Variants in USP32 observed in about 807,000 individuals in gnomAD.
USP32 encodes the protein ubiquitin specific peptidase 32, also known as ubiquitin carboxyl-terminal hydrolase 32.
USP32 carries 59 observed loss-of-function variants against 204.8 expected under a neutral mutation model. The observed-to-expected ratio is 0.29, with a 90% CI of 0.23 to 0.36. The LOEUF (loss-of-function observed/expected upper bound fraction) is 0.36. Among genes scored for constraint, USP32 ranks in the 10% least tolerant of loss-of-function variants. The pLI is 1.00. For missense variants in USP32, 1,160 were observed against 1,946.4 expected (o/e 0.60, Z 7.60); for synonymous variants, 517 against 678.4 (o/e 0.76, Z 3.70).
chr17:60,413,029 A>G (rs2090030321), intron 1 of USP32, among the ~76,000 whole-genome samples: 1 of 152,118 alleles, frequency 6.6e-6, no homozygotes, highest in Admixed American at 6.5e-5. Context: ...TGAAGCCCAA[A>G]TTAAAACATT....
In USP32 at chr17:60,265,441, C is replaced by A; in HGVS notation, c.961G>T (p.Gly321Cys). The change falls in exon 9 of 34, where the codon GGC (glycine) becomes TGC (cysteine). Residue 321 changes from glycine (G) to cysteine (C), a missense_variant. Around this residue, in one of 8 missense-constraint regions of USP32, gnomAD observed 536 missense variants for 680.9 expected, o/e 0.79. Transcript: ENST00000300896. ...GTGGTGTCATGTGCATTCAGTATGC[C>A]TTCTACAATATCAGAGAGATCCATA... ...LHMDLSDIVEGILNAHDTTKM... is the reference protein window; with the variant it reads ...LHMDLSDIVECILNAHDTTKM... The A allele has an allele frequency of 6.2e-7, 1 of 1,606,716 alleles. No individual in the cohort carries two copies. The highest frequency in any genetic ancestry group is 8.5e-7 in the Non-Finnish European group (1 of 1,174,664).
At chr17:60,292,383 C>T (rs915701167) in intron 4 of USP32, among the ~76,000 whole-genome samples, 32 of 152,136 alleles carry the variant, frequency 2.1e-4, no homozygotes, top group African/African-American at 7.2e-4. Context: ...TCACATCTGA[C>T]AACTCCACTT....
intron 4 of USP32, among the ~76,000 whole-genome samples, chr17:60,293,581 G>A (rs772342602): frequency 1.1e-4 from 17 of 152,088 alleles, no homozygotes; most frequent in Non-Finnish European, 2.1e-4. Flanking sequence ...CATAACCACC[G>A]CCAAAAACTG....
At chr17:60,373,356 C>CAGTAGAT (rs930698363) in intron 1 of USP32, among the ~76,000 whole-genome samples, 1 of 151,900 alleles carries the variant, frequency 6.6e-6, no homozygotes, top group Admixed American at 6.6e-5. Context: ...TGGAGTACTG[C>CAGTAGAT]AGTAGATTTT....
intron 9 of USP32, among the ~76,000 whole-genome samples, chr17:60,258,830 T>C (rs1312444226): frequency 6.6e-6 from 1 of 152,148 alleles, no homozygotes; most frequent in Non-Finnish European, 1.5e-5. Context: ...TAATGCAAAG[T>C]TCCATCTCAT....
chr17:60,391,959 C>G lies in USP32; in HGVS notation c.-20G>C. 1 of 1,607,518 alleles carries G rather than the reference C, an allele frequency of 6.2e-7. No homozygotes were observed. The highest frequency in any genetic ancestry group is 8.5e-7 in the Non-Finnish European group (1 of 1,177,250). On this transcript the variant is annotated 5_prime_UTR_variant, in exon 1 of 34. Coordinates refer to ENST00000300896, the MANE Select transcript of USP32 (RefSeq NM_032582.4). ...ACCCATGCTCCCCTCATCCCCTCGGCGGGGGGTCGGAGCCTGATCTCGCCC... is the reference window on the plus strand; with the variant it reads ...ACCCATGCTCCCCTCATCCCCTCGGGGGGGGGTCGGAGCCTGATCTCGCCC...
intron 11 of USP32, among the ~76,000 whole-genome samples, chr17:60,248,562 T>A (rs564944047): frequency 6.6e-6 from 1 of 152,366 alleles, no homozygotes; most frequent in East Asian, 1.9e-4. Context: ...TCTCTCTTTC[T>A]GATGAAATAA....
chr17:60,244,029 GTT>G (rs34842511), intron 11 of USP32, among the ~76,000 whole-genome samples: 114 of 71,656 alleles, frequency 1.6e-3, no homozygotes, highest in African/African-American at 7.6e-3. Context: ...GCTGGATTGT[GTT>G]TTTTTTTTTT....
At chr17:60,337,165 G>A (rs771249137) in intron 2 of USP32, among the ~76,000 whole-genome samples, 8 of 152,116 alleles carry the variant, frequency 5.3e-5, no homozygotes, top group Middle Eastern at 3.2e-3. Flanking sequence ...TAGACTATCT[G>A]GTAAATATGC....
At position 60,284,973 on chromosome 17, in the gene USP32, G is replaced by A. The variant is rs150233863; in HGVS notation, c.571+3550C>T. ...CCTTGGCTATAAATCCCCACTTGTC[G>A]TTGTTATATTGAGAGCTGAGCTTAT... On this transcript the variant is annotated intron_variant, in intron 5 of 33. Coordinates refer to ENST00000300896, the MANE Select transcript of USP32 (RefSeq NM_032582.4). 2.9e-3 allele frequency among the ~76,000 whole-genome samples: 437 copies of A among 152,196 alleles called. 6 individuals are homozygous for A. The highest frequency in any genetic ancestry group is 9.9e-3 in the African/African-American group (413 of 41,520).
At chr17:60,368,752 C>G (rs1430329616) in intron 1 of USP32, among the ~76,000 whole-genome samples, 1 of 152,108 alleles carries the variant, frequency 6.6e-6, no homozygotes, top group Non-Finnish European at 1.5e-5. Flanking sequence ...ATACATGGTT[C>G]TATACACAAC....
rs199779287 is a variant in USP32 at position 60,306,435 on chromosome 17, C to T, written c.187-4731G>A. Among the ~76,000 whole-genome samples the T allele has an allele frequency of 2.6e-4, 40 of 152,186 alleles. No individual in the cohort carries two copies. The East Asian group carries it at 5.8e-3, about 22-fold the overall frequency. On this transcript the variant is annotated intron_variant, in intron 2 of 33. Transcript: ENST00000300896. The stretch of plus-strand genomic sequence containing the variant: ...GGTGGATCATTTGAGGTCAGGAGTT[C>T]GAGAGCTGCCTGGCCAATGTGGTAA...
upstream of USP32, among the ~76,000 whole-genome samples, chr17:60,394,357 T>C (rs1367416158): frequency 6.6e-6 from 1 of 152,160 alleles, no homozygotes; most frequent in Non-Finnish European, 1.5e-5. Context: ...TCCTAAACCG[T>C]CAGTACCTAC....
chr17:60,283,219 A>G (rs2087015966), intron 5 of USP32, among the ~76,000 whole-genome samples: 1 of 152,214 alleles, frequency 6.6e-6, no homozygotes, highest in Non-Finnish European at 1.5e-5. Flanking sequence ...TGTAGCTATA[A>G]TATAAAAGTT....
chr17:60,379,440 A>G (rs1163393563), intron 1 of USP32, among the ~76,000 whole-genome samples: 1 of 152,148 alleles, frequency 6.6e-6, no homozygotes, highest in Non-Finnish European at 1.5e-5. Context: ...ATAAACAGAA[A>G]AAGTCTACCC....
intron 1 of USP32, among the ~76,000 whole-genome samples, chr17:60,382,114 T>G (rs989043117): frequency 6.6e-6 from 1 of 152,246 alleles, no homozygotes; most frequent in Middle Eastern, 3.2e-3. Flanking sequence ...GAGGCTGGCA[T>G]AGTGAGATAA....
chr17:60,387,417 T>C (rs1031360365), intron 1 of USP32, among the ~76,000 whole-genome samples: 1 of 152,206 alleles, frequency 6.6e-6, no homozygotes, highest in Admixed American at 6.5e-5. Flanking sequence ...TACTATAAAA[T>C]GAGCACAGTG....
chr17:60,218,550 A>C lies in USP32; in HGVS notation c.1867+1120T>G, dbSNP rs577208890. Among the ~76,000 whole-genome samples, 235 of 152,108 alleles carry C rather than the reference A, an allele frequency of 1.5e-3. 2 individuals are homozygous for C. The highest frequency in any genetic ancestry group is 6.8e-3 in the Middle Eastern group (2 of 294). ...ATACTAAGTTATTTAAATTATAATA[A>C]CATGCTGGTATTGTTAACATAGTCT... On this transcript the variant is annotated intron_variant, in intron 16 of 33. Transcript: ENST00000300896.
chr17:60,236,035 C>CCA, intron 12 of USP32, 103 bp downstream of exon 12: 1 of 883,640 alleles, frequency 1.1e-6, no homozygotes, highest in South Asian at 1.4e-5. Context: ...TAAGTTGGAG[C>CCA]ATTTTATTAT....
Sources: allele counts gnomAD v4.1 joint callset (sites outside exome capture counted in the v4.1 genomes callset), GRCh38; gene constraint gnomAD v4.1.1; regional missense constraint gnomAD v4.1.1; transcripts MANE v1.5; gene names NCBI Gene and HGNC (gene_info 2026-07-23, HGNC 2026-07-21).